The following PHF2 variants were observed in gnomAD, a reference collection of about 807,000 sequenced individuals.
PHF2 encodes the protein lysine-specific demethylase PHF2.
A neutral mutation model predicts 120.5 loss-of-function variants in PHF2; 27 were observed. The observed-to-expected ratio is 0.22, with a 90% CI of 0.17 to 0.31. PHF2 has a LOEUF of 0.31. Ranked by LOEUF, PHF2 falls within the 10% of genes least tolerant of loss-of-function variation. PHF2 has a pLI of 1.00. For missense variants in PHF2, 1,024 were observed against 1,434.8 expected (o/e 0.71, Z 4.63); for synonymous variants, 568 against 592.5 (o/e 0.96, Z 0.60).
chr9:93,631,058 G>C (rs190318788), intron 2 of PHF2, among the ~76,000 whole-genome samples: 1 of 152,144 alleles, frequency 6.6e-6, no homozygotes, highest in East Asian at 1.9e-4. Context: ...CCAGACCCCC[G>C]GACCCCTGTG....
intron 2 of PHF2, among the ~76,000 whole-genome samples, chr9:93,630,438 C>T (rs542251506): frequency 1.1e-4 from 17 of 152,310 alleles, no homozygotes; most frequent in South Asian, 4.1e-4. Flanking sequence ...CACTGCTACA[C>T]GGGGGGCCCA....
chr9:93,667,513 T>G (rs1221107535), intron 17 of PHF2, among the ~76,000 whole-genome samples: 1 of 152,246 alleles, frequency 6.6e-6, no homozygotes, highest in African/African-American at 2.4e-5. Context: ...CTGTTGTTTT[T>G]TTCACGTGGA....
At chr9:93,631,802 T>C (rs1475840757) in intron 2 of PHF2, among the ~76,000 whole-genome samples, 1 of 80,692 alleles carries the variant, frequency 1.2e-5, no homozygotes, top group African/African-American at 5.2e-5. Flanking sequence ...CCTACCTGAG[T>C]TGGGCTTGGG....
rs143479815 is a variant in PHF2, at chr9:93,578,635, C to G, written c.98+1764C>G. Among the ~76,000 whole-genome samples the G allele has an allele frequency of 6.1e-3, 925 of 152,276 alleles. 6 individuals carry two copies. The highest frequency in any genetic ancestry group is 8.6e-3 in the Non-Finnish European group (585 of 68,020). On this transcript the variant is annotated intron_variant, in intron 1 of 21. Coordinates refer to ENST00000359246, the MANE Select transcript of PHF2 (RefSeq NM_005392.4). ...AGAGAACGCGAGAAGACCTTTGTCT[C>G]GCTGCTTAGGGGACCCTCTGGGAAG...
At chr9:93,667,307 A>G (rs1826701524) in intron 17 of PHF2, 67 bp downstream of exon 17, 17 of 1,542,070 alleles carry the variant, frequency 1.1e-5, no homozygotes, top group Non-Finnish European at 1.3e-5. Context: ...GCCCTCGGCC[A>G]TGATGGTGGG....
intron 3 of PHF2, among the ~76,000 whole-genome samples, chr9:93,643,336 A>G (rs1345723006): frequency 6.6e-6 from 1 of 152,146 alleles, no homozygotes; most frequent in Non-Finnish European, 1.5e-5. Flanking sequence ...TTCATCAAGG[A>G]CAATTTTCTG....
intron 2 of PHF2, among the ~76,000 whole-genome samples, chr9:93,633,589 G>A (rs528909534): frequency 1.3e-5 from 2 of 152,330 alleles, no homozygotes; most frequent in Admixed American, 1.3e-4. Flanking sequence ...TGCTGGTGCA[G>A]CAGGAGGGGC....
At chr9:93,590,109 T>A (rs1825180281) in intron 1 of PHF2, among the ~76,000 whole-genome samples, 1 of 152,244 alleles carries the variant, frequency 6.6e-6, no homozygotes, top group Non-Finnish European at 1.5e-5. Context: ...ATATAGCATT[T>A]CGGATTTTAA....
intron 1 of PHF2, among the ~76,000 whole-genome samples, chr9:93,608,682 G>A (rs1825585262): frequency 6.6e-6 from 1 of 152,160 alleles, no homozygotes; most frequent in Admixed American, 6.5e-5. Flanking sequence ...TATATCTTTT[G>A]AGGAATTGGT....
intron 1 of PHF2, among the ~76,000 whole-genome samples, chr9:93,577,857 C>G (rs1233624794): frequency 1.3e-5 from 2 of 152,142 alleles, no homozygotes; most frequent in Non-Finnish European, 2.9e-5. Context: ...CAGTGTTGCC[C>G]AAACTGCTCC....
At chr9:93,610,729 G>A (rs560664404) in intron 1 of PHF2, among the ~76,000 whole-genome samples, 1 of 152,196 alleles carries the variant, frequency 6.6e-6, no homozygotes, top group African/African-American at 2.4e-5. Context: ...CCATCCAGAG[G>A]AGGTCACCTG....
At chr9:93,646,172 A>G (rs1826255906) in intron 4 of PHF2, among the ~76,000 whole-genome samples, 1 of 152,054 alleles carries the variant, frequency 6.6e-6, no homozygotes, top group Non-Finnish European at 1.5e-5. Context: ...GGCCTTCCTC[A>G]TCTGTACCAT....
rs372453780 is a variant in PHF2, at chr9:93,584,225, A to G, written c.98+7354A>G. Among the ~76,000 whole-genome samples, 142 of 152,360 alleles carry G rather than the reference A, an allele frequency of 9.3e-4. 3 individuals are homozygous for G. The South Asian group carries it at 0.029, about 31-fold the overall frequency. On this transcript the variant is annotated intron_variant, in intron 1 of 21. Coordinates refer to ENST00000359246, the MANE Select transcript of PHF2 (RefSeq NM_005392.4). ...TCTTGATAATGACTACTGATGCACAAAAGTTTTTAACTTTGATAAAGTCTG... is the reference window on the plus strand; with the variant it reads ...TCTTGATAATGACTACTGATGCACAGAAGTTTTTAACTTTGATAAAGTCTG...
At chr9:93,613,560 CTT>C (rs201420565) in intron 1 of PHF2, among the ~76,000 whole-genome samples, 77 of 128,996 alleles carry the variant, frequency 6.0e-4, no homozygotes, top group East Asian at 7.1e-4. Context: ...TTTTCTTTTT[CTT>C]TTTTTTTTTT....
chr9:93,670,889 G>T, intron 17 of PHF2: 1 of 613,276 alleles, frequency 1.6e-6, no homozygotes, highest in Non-Finnish European at 2.0e-6. Context: ...GAAGCTGAGG[G>T]CAGCGGGGGT....
intron 10 of PHF2, among the ~76,000 whole-genome samples, chr9:93,658,729 GC>G (rs1826506167): frequency 1.3e-5 from 2 of 152,132 alleles, no homozygotes; most frequent in South Asian, 4.1e-4. Context: ...GCTGGCCCTG[GC>G]ATCAGCTCAG....
At chr9:93,625,019 A>G (rs1463896892) in intron 1 of PHF2, among the ~76,000 whole-genome samples, 3 of 152,230 alleles carry the variant, frequency 2.0e-5, no homozygotes, top group Non-Finnish European at 2.9e-5. Context: ...TGAACAATTC[A>G]GTGGTACTTA....
chr9:93,583,641 G>A (rs566468689), intron 1 of PHF2, among the ~76,000 whole-genome samples: 1 of 152,010 alleles, frequency 6.6e-6, no homozygotes, highest in African/African-American at 2.4e-5. Context: ...TTTTTGGCTA[G>A]CATTTCTCTA....
intron 1 of PHF2, among the ~76,000 whole-genome samples, chr9:93,604,658 G>C (rs1324398404): frequency 6.6e-6 from 1 of 151,956 alleles, no homozygotes; most frequent in African/African-American, 2.4e-5. Context: ...TAGAGACAGG[G>C]TTTCACTGTG....
Sources: allele counts gnomAD v4.1 joint callset (sites outside exome capture counted in the v4.1 genomes callset), GRCh38; gene constraint gnomAD v4.1.1; transcripts MANE v1.5; gene names NCBI Gene and HGNC (gene_info 2026-07-23, HGNC 2026-07-21).